Variants in CDH1 observed in about 807,000 individuals in gnomAD.
CDH1 encodes cadherin-1.
A neutral mutation model predicts 84.5 loss-of-function variants in CDH1; 35 were observed. The ratio of observed to expected loss-of-function variants is 0.41; its 90% CI spans 0.32 to 0.55. CDH1 has a LOEUF of 0.55. Ranked by LOEUF, CDH1 falls within the 20% of genes least tolerant of loss-of-function variation. The probability of loss-of-function intolerance (pLI) is 0.19; values close to 1 mark genes in which losing one functional copy is unlikely to be tolerated. For missense variants in CDH1, 994 were observed against 1,126.6 expected (o/e 0.88, Z 1.68); for synonymous variants, 417 against 439.0 (o/e 0.95, Z 0.63).
chr16:68,819,224 C>G (rs2152136655), intron 10 of CDH1, 56 bp from the exon 11 acceptor site: 1 of 1,606,274 alleles, frequency 6.2e-7, no homozygotes, highest in Non-Finnish European at 8.5e-7. Flanking sequence ...AAGCCGTTTT[C>G]AGCTACATGT....
rs2152138151 is a variant in CDH1, at chr16:68,822,016, C to G, written c.1727C>G (p.Thr576Ser). ...TTTCTCTTAGGTTCTCCAGTTGCTA[C>G]TGGAACAGGGACACTTCTGCTGATC... Reference protein sequence around the residue: ...IATDNGSPVATGTGTLLLILS... With the variant: ...IATDNGSPVASGTGTLLLILS... Residue 576 changes from threonine to serine, a missense_variant, in exon 12 of 16, where the codon ACT becomes AGT. Coordinates refer to ENST00000261769, the MANE Select transcript of CDH1 (RefSeq NM_004360.5). The G allele has an allele frequency of 6.2e-7, 1 of 1,614,088 alleles. No individual in the cohort carries two copies. The highest frequency in any genetic ancestry group is 8.5e-7 in the Non-Finnish European group (1 of 1,179,938).
At chr16:68,791,673 C>T (rs1432060764) in intron 2 of CDH1, among the ~76,000 whole-genome samples, 12 of 152,132 alleles carry the variant, frequency 7.9e-5, no homozygotes, top group African/African-American at 2.9e-4. Context: ...CCTCTCACCT[C>T]GGCCTCCCAA....
Position 68,808,867 on chromosome 16 carries a change from CT to C in CDH1, c.687+21del, listed in dbSNP as rs778134914. The C allele has an allele frequency of 8.4e-5, 135 of 1,612,874 alleles. No individual in the cohort carries two copies. Among genetic ancestry groups the C allele is most frequent in the Middle Eastern group, 3.3e-4 (2 of 6,058 alleles). On this transcript the variant is annotated intron_variant, in intron 5 of 15. Coordinates refer to ENST00000261769, the MANE Select transcript of CDH1 (RefSeq NM_004360.5). ...ATACACTGTAAGTATCTCTTAGAAGCTTGTTGACACCGGGGTAACATCCACC... is the reference window on the plus strand; with the variant it reads ...ATACACTGTAAGTATCTCTTAGAAGCTGTTGACACCGGGGTAACATCCACC...
rs918634770 is a variant in CDH1 at position 68,819,159 on chromosome 16, T to G, written c.1566-121T>G. The G allele has an allele frequency of 1.8e-5, 21 of 1,141,244 alleles. No individual in the cohort carries two copies. The African/African-American group carries it at 3.0e-4, about 17-fold the overall frequency. The allele number at this position is 1,141,244 out of a possible 1,614,324, so 70.7% of individuals were successfully genotyped here. A position where few individuals can be genotyped will look rare whatever the true frequency, so the allele number is the denominator to read the frequency against. On this transcript the variant is annotated intron_variant, in intron 10 of 15. Coordinates refer to ENST00000261769, the MANE Select transcript of CDH1 (RefSeq NM_004360.5). Reference sequence around the variant, plus strand: ...GCATGAGCCACCGCGACCGGCCTATTGTTGGTTTTCAAAATAAAAACGTTG... The same window carrying G: ...GCATGAGCCACCGCGACCGGCCTATGGTTGGTTTTCAAAATAAAAACGTTG...
intron 2 of CDH1, among the ~76,000 whole-genome samples, chr16:68,791,024 C>A (rs1017581036): frequency 6.6e-6 from 1 of 152,176 alleles, no homozygotes; most frequent in Admixed American, 6.6e-5. Flanking sequence ...CCCGCAGGAG[C>A]AAGAGCTAAC....
chr16:68,833,343 C>A lies in CDH1; in HGVS notation c.2493C>A (p.Leu831=), dbSNP rs779267700. 5 of 1,614,180 alleles carry A rather than the reference C, an allele frequency of 3.1e-6. No homozygotes were observed. Among genetic ancestry groups the A allele is most frequent in the Non-Finnish European group, 4.2e-6 (5 of 1,180,036 alleles). The part of the protein sequence containing the change: ...DPTAPPYDSL[L]VFDYEGSGSE... ...CAGCCCCGCCTTATGATTCTCTGCT[C>A]GTGTTTGACTATGAAGGAAGCGGTT... The change falls in exon 16 of 16, where the codon CTC becomes CTA. Residue 831 remains leucine, a synonymous_variant. Transcript: ENST00000261769.
intron 2 of CDH1, among the ~76,000 whole-genome samples, chr16:68,775,461 G>A (rs1435643827): frequency 6.6e-6 from 1 of 152,162 alleles, no homozygotes; most frequent in South Asian, 2.1e-4. Flanking sequence ...TGTGTACCCA[G>A]AAGGGAACAT....
At chr16:68,743,137 A>G (rs1962610502) in intron 2 of CDH1, among the ~76,000 whole-genome samples, 2 of 152,110 alleles carry the variant, frequency 1.3e-5, no homozygotes, top group African/African-American at 2.4e-5. Flanking sequence ...CTTTTCTTCC[A>G]AAATGCTCAC....
At chr16:68,796,345 A>T (rs1339432035) in intron 2 of CDH1, among the ~76,000 whole-genome samples, 1 of 152,104 alleles carries the variant, frequency 6.6e-6, no homozygotes, top group Non-Finnish European at 1.5e-5. Flanking sequence ...AAACAACTCA[A>T]CTATGGTTTG....
At chr16:68,776,560 G>C (rs1159808292) in intron 2 of CDH1, among the ~76,000 whole-genome samples, 1 of 152,014 alleles carries the variant, frequency 6.6e-6, no homozygotes, top group African/African-American at 2.4e-5. Context: ...TAGAGACAGG[G>C]GTCTCACTAT....
chr16:68,823,366 G>A (rs1261889991), intron 12 of CDH1, 33 bp from the exon 13 acceptor site: 1 of 1,442,400 alleles, frequency 6.9e-7, no homozygotes. Flanking sequence ...TTCCTCCCCT[G>A]GTCTCATCAT....
intron 11 of CDH1, 107 bp downstream of exon 11, chr16:68,819,532 T>G: frequency 8.2e-7 from 1 of 1,216,048 alleles, no homozygotes; most frequent in Non-Finnish European, 1.2e-6. Flanking sequence ...TCTTTTATCC[T>G]TTTTGTTTGC....
intron 3 of CDH1, among the ~76,000 whole-genome samples, chr16:68,805,711 C>T (rs557443080): frequency 6.6e-6 from 1 of 152,220 alleles, no homozygotes; most frequent in Non-Finnish European, 1.5e-5. Context: ...TCTTCTGCCT[C>T]AGCCTTCTGA....
At chr16:68,793,592 T>C (rs1960270446) in intron 2 of CDH1, among the ~76,000 whole-genome samples, 1 of 152,094 alleles carries the variant, frequency 6.6e-6, no homozygotes, top group Non-Finnish European at 1.5e-5. Flanking sequence ...GTTTCCCCAT[T>C]TATAGGAAAG....
chr16:68,800,574 G>C (rs1000406071), intron 2 of CDH1, among the ~76,000 whole-genome samples: 1 of 152,210 alleles, frequency 6.6e-6, no homozygotes, highest in Non-Finnish European at 1.5e-5. Flanking sequence ...TTTTATAAAA[G>C]AGAACTTGGA....
chr16:68,799,539 A>G (rs141094992), intron 2 of CDH1, among the ~76,000 whole-genome samples: 15 of 152,132 alleles, frequency 9.9e-5, no homozygotes, highest in African/African-American at 3.1e-4. Flanking sequence ...AATCTTTCCT[A>G]TAATTTCCTA....
intron 2 of CDH1, among the ~76,000 whole-genome samples, chr16:68,788,513 G>A (rs1960125119): frequency 6.6e-6 from 1 of 152,068 alleles, no homozygotes; most frequent in South Asian, 2.1e-4. Context: ...TATGAACTGT[G>A]TACTTTGGTG....
intron 13 of CDH1, 90 bp downstream of exon 13, chr16:68,823,716 AAGG>A: frequency 1.2e-6 from 1 of 866,774 alleles, no homozygotes; most frequent in Non-Finnish European, 1.9e-6. Flanking sequence ...TTATATTAAT[AAGG>A]ATATAGGTTA....
chr16:68,814,129 G>A (rs1190915995), intron 9 of CDH1, among the ~76,000 whole-genome samples: 2 of 152,144 alleles, frequency 1.3e-5, no homozygotes, highest in Non-Finnish European at 2.9e-5. Context: ...CAGCTACTAG[G>A]GAGGCTGAGG....
Sources: allele counts gnomAD v4.1 joint callset (sites outside exome capture counted in the v4.1 genomes callset), GRCh38; gene constraint gnomAD v4.1.1; transcripts MANE v1.5; gene names NCBI Gene and HGNC (gene_info 2026-07-23, HGNC 2026-07-21).